CBLB: variants seen among roughly 807,000 people sequenced by gnomAD.
CBLB encodes Cbl proto-oncogene B, also known as E3 ubiquitin-protein ligase CBL-B.
CBLB carries 31 observed loss-of-function variants against 104.9 expected under a neutral mutation model. That is an observed-to-expected ratio of 0.30 (90% confidence interval 0.22 to 0.40). CBLB has a LOEUF of 0.40. Among genes scored for constraint, CBLB ranks in the 10% least tolerant of loss-of-function variants. CBLB has a pLI of 1.00. For synonymous variants in CBLB, 440 were observed against 422.6 expected, an observed-to-expected ratio of 1.04 and a Z score of -0.51; for missense variants, 1,062 against 1,214.6, an observed-to-expected ratio of 0.87 and a Z score of 1.87.
rs181988035 is a variant in CBLB, at chr3:105,763,307, G to A, written c.567-11689C>T. On this transcript the variant is annotated intron_variant, in intron 4 of 18. Coordinates refer to ENST00000394030, the MANE Select transcript of CBLB (RefSeq NM_170662.5). ...GGGGGATTGTTGCGAAGGCATGATT[G>A]TGTCTTGGAATGTGAGGACATGAGA... 1.5e-3 allele frequency among the ~76,000 whole-genome samples: 230 copies of A among 152,288 alleles called. 3 individuals carry two copies. Among genetic ancestry groups the A allele is most frequent in the Non-Finnish European group, 2.2e-4 (15 of 68,028 alleles).
intron 10 of CBLB, among the ~76,000 whole-genome samples, chr3:105,704,981 A>T (rs1468426664): frequency 2.0e-5 from 3 of 152,172 alleles, no homozygotes; most frequent in Non-Finnish European, 2.9e-5. Flanking sequence ...TATAAAAGCC[A>T]TACAGTTAAT....
intron 5 of CBLB, 51 bp downstream of exon 5, chr3:105,751,410 AG>A: frequency 7.8e-7 from 1 of 1,289,760 alleles, no homozygotes; most frequent in Middle Eastern, 1.9e-4. Context: ...CAGAGAGAAA[AG>A]ACAGGGAGAG....
chr3:105,727,853 A>C (rs769836169), intron 9 of CBLB, among the ~76,000 whole-genome samples: 15 of 152,148 alleles, frequency 9.9e-5, no homozygotes, highest in Admixed American at 5.2e-4. Context: ...AGATGGTTGT[A>C]GATGTGTCGC....
At chr3:105,797,188 T>G (rs1367033727) in intron 3 of CBLB, among the ~76,000 whole-genome samples, 1 of 152,140 alleles carries the variant, frequency 6.6e-6, no homozygotes, top group Non-Finnish European at 1.5e-5. Context: ...TCAACCTAAA[T>G]GCCATCAATG....
At chr3:105,814,457 A>G (rs1315984322) in intron 3 of CBLB, among the ~76,000 whole-genome samples, 2 of 152,208 alleles carry the variant, frequency 1.3e-5, no homozygotes, top group Non-Finnish European at 2.9e-5. Flanking sequence ...TACAAAACTA[A>G]AATTGTTTAA....
intron 3 of CBLB, among the ~76,000 whole-genome samples, chr3:105,795,808 A>G (rs1477680024): frequency 6.6e-6 from 1 of 152,114 alleles, no homozygotes; most frequent in African/African-American, 2.4e-5. Context: ...CAGTGGCGCC[A>G]TCTCGGCTCA....
intron 3 of CBLB, among the ~76,000 whole-genome samples, chr3:105,784,990 C>T (rs9852798): frequency 1 from 152,090 of 152,286 alleles, 75,948 homozygotes; most frequent in Middle Eastern, 1. Context: ...GTCAAAATAC[C>T]CACATGGAAT....
intron 10 of CBLB, among the ~76,000 whole-genome samples, chr3:105,708,676 C>CA (rs1402444912): frequency 6.6e-6 from 1 of 151,814 alleles, no homozygotes; most frequent in Non-Finnish European, 1.5e-5. Flanking sequence ...AGAGGCCATG[C>CA]AGTCTTGAAA....
At chr3:105,781,082 G>A (rs2080208996) in intron 3 of CBLB, among the ~76,000 whole-genome samples, 1 of 152,078 alleles carries the variant, frequency 6.6e-6, no homozygotes, top group Admixed American at 6.5e-5. Context: ...GAAAGAAGGA[G>A]GGAGGAATAA....
chr3:105,756,188 A>C (rs1010016794), intron 4 of CBLB, among the ~76,000 whole-genome samples: 5 of 152,238 alleles, frequency 3.3e-5, no homozygotes, highest in Non-Finnish European at 5.9e-5. Flanking sequence ...AATGAAAACC[A>C]CAAAGCAGTG....
chr3:105,831,035 A>C (rs1329986474), intron 3 of CBLB, among the ~76,000 whole-genome samples: 2 of 152,228 alleles, frequency 1.3e-5, no homozygotes, highest in Admixed American at 6.5e-5. Context: ...ACGAAATTGC[A>C]TGGTAACCAG....
At chr3:105,786,063 G>GGGA (rs1553794664) in intron 3 of CBLB, among the ~76,000 whole-genome samples, 4 of 133,944 alleles carry the variant, frequency 3.0e-5, no homozygotes, top group Non-Finnish European at 6.5e-5. Flanking sequence ...GAGAGGATCG[G>GGGA]GGGGGGGAAA....
intron 4 of CBLB, among the ~76,000 whole-genome samples, chr3:105,765,519 T>TA (rs1174495874): frequency 5.3e-5 from 8 of 152,010 alleles, no homozygotes; most frequent in Non-Finnish European, 1.2e-4. Flanking sequence ...GTTCTTTATT[T>TA]AAAAAAACAA....
chr3:105,839,671 T>C (rs2089237917), intron 3 of CBLB, among the ~76,000 whole-genome samples: 1 of 152,252 alleles, frequency 6.6e-6, no homozygotes, highest in Admixed American at 6.5e-5. Flanking sequence ...TCTGCCATTG[T>C]AGCCACAGAC....
intron 9 of CBLB, among the ~76,000 whole-genome samples, chr3:105,725,548 A>T (rs1485049814): frequency 5.9e-5 from 9 of 152,172 alleles, no homozygotes; most frequent in Non-Finnish European, 1.3e-4. Context: ...TCTCATATCC[A>T]TCAGTTCCTT....
At chr3:105,724,109 T>C (rs894937) in intron 9 of CBLB, 42,732 of 175,050 alleles carry the variant, frequency 0.24, 5,487 homozygotes, top group Non-Finnish European at 0.27. Context: ...TATATGTATA[T>C]AAATGCACTG....
intron 3 of CBLB, among the ~76,000 whole-genome samples, chr3:105,815,013 C>T (rs2084835543): frequency 6.6e-6 from 1 of 150,556 alleles, no homozygotes; most frequent in South Asian, 2.1e-4. Flanking sequence ...CCAACTGCTT[C>T]CGAAGATGAA....
intron 2 of CBLB, among the ~76,000 whole-genome samples, chr3:105,859,150 T>C (rs79161531): frequency 0.014 from 2,087 of 152,266 alleles, 46 homozygotes; most frequent in African/African-American, 0.048. Flanking sequence ...TTAGATCAGA[T>C]AGTACATTCC....
chr3:105,822,899 T>C (rs375275135), intron 3 of CBLB, among the ~76,000 whole-genome samples: 29 of 152,344 alleles, frequency 1.9e-4, no homozygotes, highest in Middle Eastern at 3.4e-3. Flanking sequence ...CAGAATAGCA[T>C]AGATTAGGCT....
Sources: allele counts gnomAD v4.1 joint callset (sites outside exome capture counted in the v4.1 genomes callset), GRCh38; gene constraint gnomAD v4.1.1; transcripts MANE v1.5; gene names NCBI Gene and HGNC (gene_info 2026-07-23, HGNC 2026-07-21).